DNAH14: variants seen among roughly 807,000 people sequenced by gnomAD.
The protein encoded by DNAH14 is dynein axonemal heavy chain 14, also known as axonemal beta dynein heavy chain 14.
DNAH14 carries 478 observed loss-of-function variants against 520.9 expected under a neutral mutation model. The observed-to-expected ratio is 0.92, with a 90% CI of 0.85 to 0.99. DNAH14 has a LOEUF of 0.99. Among genes scored for constraint, DNAH14 ranks in the 50% least tolerant of loss-of-function variants. The pLI, the probability that DNAH14 is intolerant of heterozygous loss-of-function variation, is 0.00. For synonymous variants in DNAH14, 1,581 were observed against 1,757.2 expected (o/e 0.90, Z 2.51); for missense variants, 4,831 against 5,234.5 (o/e 0.92, Z 2.38).
chr1:225,202,409 G>A (rs992052846), intron 38 of DNAH14, among the ~76,000 whole-genome samples: 8 of 152,156 alleles, frequency 5.3e-5, no homozygotes, highest in African/African-American at 1.9e-4. Flanking sequence ...GATCAATGGA[G>A]TTATGTTCCT....
At chr1:225,154,916 A>G (rs142907557) in intron 34 of DNAH14, among the ~76,000 whole-genome samples, 210 of 152,206 alleles carry the variant, frequency 1.4e-3, no homozygotes, top group African/African-American at 4.6e-3. Flanking sequence ...TTATCCTCTT[A>G]ATATATAAAG....
chr1:225,308,551 C>A, intron 60 of DNAH14, 141 bp downstream of exon 60: 2 of 845,460 alleles, frequency 2.4e-6, no homozygotes, highest in Non-Finnish European at 3.5e-6. Flanking sequence ...ATTCCAACAA[C>A]TATTTATTGA....
chr1:225,252,194 T>C (rs566769657), intron 43 of DNAH14, 107 bp from the exon 44 acceptor site: 23 of 718,716 alleles, frequency 3.2e-5, no homozygotes, highest in South Asian at 2.5e-4. Flanking sequence ...TGAATACTTA[T>C]TATTTCTTGT....
In DNAH14 at chr1:224,960,153, A is replaced by G; in HGVS notation, c.218A>G (p.Asp73Gly). 1.3e-6 allele frequency: 2 copies of G among 1,571,374 alleles called. No individual in the cohort carries two copies. Among genetic ancestry groups the G allele is most frequent in the South Asian group, 1.2e-5 (1 of 83,046 alleles). ...CAGTTAATAATGGTTTTATTTTCAG[A>G]TTACCTTAGAGAAAGTATAATTCAA... ...SESLKSEKTE[D>G]YLRESIIQQH... The change falls in exon 4 of 86, where the codon GAT becomes GGT. Residue 73 changes from aspartate to glycine, a missense_variant and splice_region_variant. Transcript: ENST00000682510.
At chr1:225,259,071 T>C (rs1267856619) in intron 45 of DNAH14, 50 bp from the exon 46 acceptor site, 5 of 1,472,658 alleles carry the variant, frequency 3.4e-6, no homozygotes, top group Non-Finnish European at 4.5e-6. Flanking sequence ...TGTGTTAACA[T>C]GTATCATTTT....
intron 9 of DNAH14, among the ~76,000 whole-genome samples, chr1:225,005,763 T>A (rs1185378271): frequency 2.0e-5 from 3 of 152,108 alleles, no homozygotes; most frequent in Non-Finnish European, 2.9e-5. Context: ...TTAAGAGAAT[T>A]AACACAGTAG....
intron 20 of DNAH14, among the ~76,000 whole-genome samples, chr1:225,083,914 G>A (rs1047087401): frequency 2.0e-5 from 3 of 152,094 alleles, no homozygotes; most frequent in African/African-American, 7.2e-5. Flanking sequence ...CTATTCTTGG[G>A]TAAGTTAGAT....
chr1:225,184,534 C>T (rs937956377), intron 36 of DNAH14, among the ~76,000 whole-genome samples: 2 of 151,954 alleles, frequency 1.3e-5, no homozygotes, highest in Non-Finnish European at 1.5e-5. Context: ...GCACAAGAAT[C>T]GCTTGAACCT....
In DNAH14 at chr1:225,138,859, G is replaced by A. The variant is rs558640761; in HGVS notation, c.4255-1909G>A. ...CTGCTTGCCTATTCATTCCCGATGC[G>A]AGAACCTGGATATTTCAGTTAAAGG... On this transcript the variant is annotated intron_variant, in intron 27 of 85. Coordinates refer to ENST00000682510, the MANE Select transcript of DNAH14 (RefSeq NM_001367479.1). Among the ~76,000 whole-genome samples, 7 of 152,054 alleles carry A rather than the reference G, an allele frequency of 4.6e-5. No homozygotes were observed. The South Asian group carries it at 1.0e-3, about 23-fold the overall frequency.
intron 61 of DNAH14, among the ~76,000 whole-genome samples, chr1:225,319,042 C>G (rs1487095260): frequency 2.6e-5 from 4 of 152,120 alleles, no homozygotes; most frequent in African/African-American, 7.2e-5. Flanking sequence ...GCCTGCAGTT[C>G]CAAAAATAAA....
At chr1:225,169,316 G>T (rs1166468864) in intron 36 of DNAH14, among the ~76,000 whole-genome samples, 1 of 152,188 alleles carries the variant, frequency 6.6e-6, no homozygotes, top group Non-Finnish European at 1.5e-5. Context: ...GACGAGTTGA[G>T]AGAAGAAGAC....
At chr1:225,114,867 A>G (rs1251204692) in intron 23 of DNAH14, among the ~76,000 whole-genome samples, 4 of 152,196 alleles carry the variant, frequency 2.6e-5, no homozygotes, top group Admixed American at 1.3e-4. Flanking sequence ...GGGTGGCTTC[A>G]GCAATTCAAG....
chr1:225,266,780 T>C lies in DNAH14; in HGVS notation c.7539+11T>C, dbSNP rs945752514. On this transcript the variant is annotated intron_variant, in intron 49 of 85. Transcript: ENST00000682510. Reference sequence around the variant, plus strand: ...AAAAATACATGGAAGGTACAGTATATACTAAGATTTTGTTCACATTAAGTA... The same window carrying C: ...AAAAATACATGGAAGGTACAGTATACACTAAGATTTTGTTCACATTAAGTA... 6.8e-6 allele frequency: 10 copies of C among 1,477,384 alleles called. No individual in the cohort carries two copies. The highest frequency in any genetic ancestry group is 1.4e-5 in the South Asian group (1 of 71,598). 91.5% of individuals were successfully genotyped at this position (1,477,384 alleles called of 1,614,324 possible).
intron 3 of DNAH14, among the ~76,000 whole-genome samples, chr1:224,957,937 A>T (rs1373784011): frequency 2.0e-5 from 3 of 152,128 alleles, no homozygotes; most frequent in Non-Finnish European, 4.4e-5. Context: ...AGCTGCTTGG[A>T]TATGCAAAAG....
At chr1:225,326,761 A>G (rs2094681024) in intron 64 of DNAH14, among the ~76,000 whole-genome samples, 1 of 152,080 alleles carries the variant, frequency 6.6e-6, no homozygotes, top group Admixed American at 6.6e-5. Flanking sequence ...TTTTTGCAAC[A>G]ATTACTAGAA....
chr1:225,009,618 G>C (rs757369345), intron 10 of DNAH14, among the ~76,000 whole-genome samples: 3 of 152,124 alleles, frequency 2.0e-5, no homozygotes, highest in Non-Finnish European at 4.4e-5. Context: ...TAAATTTAAA[G>C]TAGTTTTTTC....
At position 225,117,801 on chromosome 1, in the gene DNAH14, T is replaced by C. The variant is rs1411588728; in HGVS notation, c.3972+13T>C. The C allele has an allele frequency of 2.7e-5, 41 of 1,536,690 alleles. No individual in the cohort carries two copies. Among genetic ancestry groups the C allele is most frequent in the Non-Finnish European group, 3.4e-5 (39 of 1,134,454 alleles). Reference sequence around the variant, plus strand: ...TGAGTCTGTACAGGTAATAACATCTTTCTCTGCTCAGCAATATTATATTAG... The same window carrying C: ...TGAGTCTGTACAGGTAATAACATCTCTCTCTGCTCAGCAATATTATATTAG... On this transcript the variant is annotated intron_variant, in intron 24 of 85. Transcript: ENST00000682510.
intron 54 of DNAH14, among the ~76,000 whole-genome samples, chr1:225,286,666 G>A (rs1050488762): frequency 1.7e-4 from 26 of 152,162 alleles, no homozygotes; most frequent in African/African-American, 5.8e-4. Context: ...AGACAGTTTA[G>A]CAGTTTCCTA....
At chr1:225,295,080 G>A (rs1266358442) in intron 55 of DNAH14, among the ~76,000 whole-genome samples, 2 of 151,856 alleles carry the variant, frequency 1.3e-5, no homozygotes, top group African/African-American at 2.4e-5. Context: ...GTAATCCTGG[G>A]TATTTCTATG....
Sources: allele counts gnomAD v4.1 joint callset (sites outside exome capture counted in the v4.1 genomes callset), GRCh38; gene constraint gnomAD v4.1.1; transcripts MANE v1.5; gene names NCBI Gene and HGNC (gene_info 2026-07-23, HGNC 2026-07-21).